The following PTK2 variants were observed in gnomAD, a reference collection of about 807,000 sequenced individuals.
PTK2 encodes focal adhesion kinase 1.
In PTK2, 45 loss-of-function variants were observed where a neutral mutation model predicts 150.1. The observed-to-expected ratio is 0.30, with a 90% CI of 0.24 to 0.38. PTK2 has a LOEUF of 0.38. Ranked by LOEUF, PTK2 falls within the 10% of genes least tolerant of loss-of-function variation. The pLI is 1.00. For synonymous variants in PTK2, 432 were observed against 449.2 expected (o/e 0.96, Z 0.48); for missense variants, 919 against 1,307.3 (o/e 0.70, Z 4.58).
At chr8:140,815,068 C>T (rs2100103888) in intron 10 of PTK2, among the ~76,000 whole-genome samples, 1 of 152,136 alleles carries the variant, frequency 6.6e-6, no homozygotes, top group Non-Finnish European at 1.5e-5. Context: ...GCCACCGCGC[C>T]CGGCCAAATT....
At chr8:140,660,712 C>A (rs2078421595) in intron 31 of PTK2, 8 of 434,424 alleles carry the variant, frequency 1.8e-5, no homozygotes, top group Non-Finnish European at 3.7e-5. Context: ...GGTGACAGAG[C>A]CAGACCATTA....
At chr8:140,757,072 G>A (rs1000491529) in intron 16 of PTK2, among the ~76,000 whole-genome samples, 2 of 152,106 alleles carry the variant, frequency 1.3e-5, no homozygotes, top group South Asian at 4.2e-4. Flanking sequence ...AATGGATTAC[G>A]TATTTTAAAA....
chr8:140,956,776 T>G (rs1262176326), intron 1 of PTK2, among the ~76,000 whole-genome samples: 3 of 152,138 alleles, frequency 2.0e-5, no homozygotes, highest in Non-Finnish European at 4.4e-5. Context: ...TTAAAAACCT[T>G]AAATTAGGCT....
chr8:140,842,839 A>G (rs982054905), intron 7 of PTK2, among the ~76,000 whole-genome samples: 1 of 152,144 alleles, frequency 6.6e-6, no homozygotes, highest in Non-Finnish European at 1.5e-5. Context: ...ACTTACTTTA[A>G]ATATCACACA....
At chr8:140,906,409 C>T (rs151080993) in intron 2 of PTK2, among the ~76,000 whole-genome samples, 4 of 152,168 alleles carry the variant, frequency 2.6e-5, no homozygotes, top group African/African-American at 7.2e-5. Flanking sequence ...TATTACAGCC[C>T]TATTCACAAC....
chr8:140,841,089 A>C (rs2100122051), intron 7 of PTK2, among the ~76,000 whole-genome samples: 1 of 152,140 alleles, frequency 6.6e-6, no homozygotes, highest in Non-Finnish European at 1.5e-5. Flanking sequence ...AAATTAATAG[A>C]CTTATAGGAA....
intron 2 of PTK2, among the ~76,000 whole-genome samples, chr8:140,920,520 A>G (rs1415891149): frequency 6.6e-6 from 1 of 152,184 alleles, no homozygotes; most frequent in Non-Finnish European, 1.5e-5. Context: ...CATATTACAG[A>G]ATACAGATGT....
At chr8:140,685,756 G>A (rs1317743156) in intron 27 of PTK2, among the ~76,000 whole-genome samples, 2 of 152,160 alleles carry the variant, frequency 1.3e-5, no homozygotes, top group African/African-American at 4.8e-5. Flanking sequence ...GCAAGGTTGT[G>A]GAGAAATAGA....
At chr8:140,949,896 T>C (rs537566561) in intron 1 of PTK2, among the ~76,000 whole-genome samples, 4 of 152,326 alleles carry the variant, frequency 2.6e-5, no homozygotes, top group Middle Eastern at 3.4e-3. Flanking sequence ...TGAGAACTTA[T>C]GGTGCTTTTT....
intron 1 of PTK2, among the ~76,000 whole-genome samples, chr8:140,953,673 T>C (rs947891288): frequency 7.2e-5 from 11 of 152,218 alleles, no homozygotes; most frequent in Non-Finnish European, 1.3e-4. Flanking sequence ...ATTGGGTAAC[T>C]GAACCTACAA....
chr8:140,688,503 C>G (rs1437485648), intron 26 of PTK2, among the ~76,000 whole-genome samples: 1 of 151,862 alleles, frequency 6.6e-6, no homozygotes, highest in Non-Finnish European at 1.5e-5. Flanking sequence ...CCCTTTGAGG[C>G]CAGGATATCA....
intron 4 of PTK2, among the ~76,000 whole-genome samples, chr8:140,872,838 CT>C (rs2100143330): frequency 6.6e-6 from 1 of 152,134 alleles, no homozygotes; most frequent in Non-Finnish European, 1.5e-5. Flanking sequence ...TATTCCAGGA[CT>C]TTTTTAATTG....
chr8:140,851,424 T>A (rs975952537), intron 5 of PTK2, among the ~76,000 whole-genome samples: 14 of 152,224 alleles, frequency 9.2e-5, no homozygotes, highest in African/African-American at 2.7e-4. Flanking sequence ...TACACAAAGG[T>A]AATGGTAAAT....
chr8:140,737,021 T>A (rs1242221271), intron 21 of PTK2, among the ~76,000 whole-genome samples: 1 of 152,174 alleles, frequency 6.6e-6, no homozygotes, highest in Non-Finnish European at 1.5e-5. Context: ...ACAAAAAAAA[T>A]GCCTTAGTGC....
chr8:140,775,393 G>A (rs752784573), intron 14 of PTK2, among the ~76,000 whole-genome samples: 5 of 152,148 alleles, frequency 3.3e-5, no homozygotes, highest in African/African-American at 4.8e-5. Flanking sequence ...GGTGAGGTGT[G>A]AGAACTGTTT....
chr8:140,798,998 G>A (rs556192056), intron 12 of PTK2, among the ~76,000 whole-genome samples: 1 of 152,150 alleles, frequency 6.6e-6, no homozygotes, highest in Admixed American at 6.5e-5. Flanking sequence ...GAAAACTTAG[G>A]AAAAATATAT....
chr8:140,732,922 A>T (rs2100050401), intron 22 of PTK2, among the ~76,000 whole-genome samples: 1 of 152,154 alleles, frequency 6.6e-6, no homozygotes, highest in Non-Finnish European at 1.5e-5. Context: ...GGCTGACAGG[A>T]GGGTTAGTTT....
intron 1 of PTK2, among the ~76,000 whole-genome samples, chr8:140,989,823 G>A (rs908265844): frequency 1.3e-5 from 2 of 151,384 alleles, no homozygotes; most frequent in East Asian, 1.9e-4. Flanking sequence ...CAGGAGAATC[G>A]CTTGAACCCA....
intron 2 of PTK2, among the ~76,000 whole-genome samples, chr8:140,903,785 C>G (rs2100159731): frequency 6.6e-6 from 1 of 152,106 alleles, no homozygotes; most frequent in Admixed American, 6.5e-5. Flanking sequence ...GGAGTTCACT[C>G]ATGATTTGGC....
Sources: allele counts gnomAD v4.1 joint callset (sites outside exome capture counted in the v4.1 genomes callset), GRCh38; gene constraint gnomAD v4.1.1; transcripts MANE v1.5; gene names NCBI Gene and HGNC (gene_info 2026-07-23, HGNC 2026-07-21).